Variants in DTNB observed in about 807,000 individuals in gnomAD.
DTNB encodes DTN-B.
In DTNB, 63 loss-of-function variants were observed where a neutral mutation model predicts 90.7. The observed-to-expected ratio is 0.69, with a 90% CI of 0.57 to 0.86. The LOEUF (loss-of-function observed/expected upper bound fraction) is 0.86, where lower values mean the gene tolerates loss of function less well. Among genes scored for constraint, DTNB ranks in the 40% least tolerant of loss-of-function variants. DTNB has a pLI of 0.00. For synonymous variants in DTNB, 277 were observed against 286.7 expected, an observed-to-expected ratio of 0.97 and a Z score of 0.34; for missense variants, 744 against 807.1, an observed-to-expected ratio of 0.92 and a Z score of 0.95.
intron 8 of DTNB, among the ~76,000 whole-genome samples, chr2:25,546,942 C>T (rs906435256): frequency 3.3e-5 from 5 of 151,814 alleles, no homozygotes; most frequent in Admixed American, 2.0e-4. Flanking sequence ...GATCTCTTGG[C>T]CTCAAGTAAT....
At chr2:25,666,596 A>G (rs1370051127) in intron 1 of DTNB, among the ~76,000 whole-genome samples, 1 of 152,238 alleles carries the variant, frequency 6.6e-6, no homozygotes, top group Non-Finnish European at 1.5e-5. Flanking sequence ...CAGTAAGTAC[A>G]TTCTTTGATG....
At chr2:25,463,397 G>A (rs563589660) in intron 10 of DTNB, among the ~76,000 whole-genome samples, 21 of 152,206 alleles carry the variant, frequency 1.4e-4, no homozygotes, top group African/African-American at 4.6e-4. Flanking sequence ...AGGAGTTCTC[G>A]CTTACACTGC....
intron 6 of DTNB, among the ~76,000 whole-genome samples, chr2:25,591,284 G>T (rs1479120772): frequency 6.6e-6 from 1 of 152,196 alleles, no homozygotes; most frequent in African/African-American, 2.4e-5. Context: ...GCCCAGGGAA[G>T]GCGAAGCTCC....
chr2:25,480,287 C>T (rs912923014), intron 10 of DTNB, among the ~76,000 whole-genome samples: 18 of 152,210 alleles, frequency 1.2e-4, no homozygotes, highest in African/African-American at 4.3e-4. Context: ...TGCCCTCTGG[C>T]TGCCTTTGGT....
intron 6 of DTNB, among the ~76,000 whole-genome samples, chr2:25,592,060 CAAAA>C (rs1162292627): frequency 2.0e-4 from 10 of 48,980 alleles, no homozygotes; most frequent in African/African-American, 5.8e-4. Flanking sequence ...GACTCCATCT[CAAAA>C]AAAAAAAAAA....
chr2:25,520,185 C>T (rs977625865), intron 9 of DTNB, among the ~76,000 whole-genome samples: 3 of 152,114 alleles, frequency 2.0e-5, no homozygotes, highest in Admixed American at 6.5e-5. Context: ...AGTTTGAGAC[C>T]AGCCCGGACA....
intron 12 of DTNB, among the ~76,000 whole-genome samples, chr2:25,445,927 T>G (rs916119607): frequency 6.6e-6 from 1 of 151,450 alleles, no homozygotes; most frequent in African/African-American, 2.4e-5. Flanking sequence ...GTAGTTTTTT[T>G]TTTTTTTTTT....
At chr2:25,519,674 C>T (rs2075801337) in intron 9 of DTNB, among the ~76,000 whole-genome samples, 1 of 152,142 alleles carries the variant, frequency 6.6e-6, no homozygotes, top group Non-Finnish European at 1.5e-5. Flanking sequence ...GTCACGTCGG[C>T]ACTCAAAAAG....
Position 25,387,167 on chromosome 2 carries a change from A to T in DTNB, c.1825+122T>A. 1 of 834,280 alleles carries T rather than the reference A, an allele frequency of 1.2e-6. No individual in the cohort carries two copies. The highest frequency in any genetic ancestry group is 1.9e-6 in the Non-Finnish European group (1 of 533,010). 51.7% of individuals were successfully genotyped at this position (834,280 alleles called of 1,614,324 possible). A position where few individuals can be genotyped will look rare whatever the true frequency, so the allele number is the denominator to read the frequency against. Reference sequence around the variant, plus strand: ...CAGTGTGTTCCTAGAAGGCAAAGTTAGGTGATGAAATGGGGTGGTGCAAGC... The same window carrying T: ...CAGTGTGTTCCTAGAAGGCAAAGTTTGGTGATGAAATGGGGTGGTGCAAGC... On this transcript the variant is annotated intron_variant, in intron 18 of 20. Coordinates refer to ENST00000406818, the MANE Select transcript of DTNB (RefSeq NM_021907.5). This position sits in a 1 kb window ranked among gnomAD's most constrained non-coding sequence, Gnocchi z 4.5.
At chr2:25,449,159 C>T (rs116126521) in intron 12 of DTNB, among the ~76,000 whole-genome samples, 827 of 152,236 alleles carry the variant, frequency 5.4e-3, no homozygotes, top group Non-Finnish European at 8.3e-3. Context: ...TCACCAATGT[C>T]GTTGCATGTA....
intron 8 of DTNB, 33 bp from the exon 9 acceptor site, chr2:25,531,630 C>G (rs762272289): frequency 1.3e-6 from 2 of 1,591,266 alleles, no homozygotes; most frequent in Admixed American, 3.8e-5. Context: ...AAGGAATTAA[C>G]CCTTCAAAAG....
intron 12 of DTNB, among the ~76,000 whole-genome samples, chr2:25,446,192 T>C (rs1287167168): frequency 6.6e-6 from 1 of 152,112 alleles, no homozygotes; most frequent in Non-Finnish European, 1.5e-5. Context: ...TAAGGAAAAT[T>C]CTTAAGGTTT....
At chr2:25,410,934 C>CTTTT (rs34571788) in intron 16 of DTNB, among the ~76,000 whole-genome samples, 1 of 132,492 alleles carries the variant, frequency 7.5e-6, no homozygotes, top group Non-Finnish European at 1.6e-5. Context: ...ACTGCCTTTT[C>CTTTT]TTTTTTTTTT....
At chr2:25,569,194 G>A (rs750835169) in intron 8 of DTNB, among the ~76,000 whole-genome samples, 1 of 152,118 alleles carries the variant, frequency 6.6e-6, no homozygotes, top group Non-Finnish European at 1.5e-5. Context: ...AGATGGCATG[G>A]AGCAGAAAAA....
At chr2:25,607,034 AC>A (rs1466981711) in intron 5 of DTNB, among the ~76,000 whole-genome samples, 10 of 152,196 alleles carry the variant, frequency 6.6e-5, no homozygotes, top group African/African-American at 2.4e-4. Context: ...ACTAAAAAGG[AC>A]TAACAATAAA....
chr2:25,646,866 C>T (rs1033083572), intron 2 of DTNB, among the ~76,000 whole-genome samples: 1 of 152,134 alleles, frequency 6.6e-6, no homozygotes, highest in Non-Finnish European at 1.5e-5. Flanking sequence ...TATTTAGCTT[C>T]GAATAAATCT....
chr2:25,438,255 G>C (rs1189505224), intron 12 of DTNB, among the ~76,000 whole-genome samples: 1 of 151,960 alleles, frequency 6.6e-6, no homozygotes, highest in African/African-American at 2.4e-5. Flanking sequence ...ACTGTGTCTT[G>C]GGCCACACAC....
intron 8 of DTNB, among the ~76,000 whole-genome samples, chr2:25,539,776 TAAGA>T (rs1575539880): frequency 2.6e-5 from 4 of 152,100 alleles, no homozygotes; most frequent in African/African-American, 7.2e-5. Context: ...TTTTGTACCT[TAAGA>T]AATATTTCCC....
intron 10 of DTNB, among the ~76,000 whole-genome samples, chr2:25,465,195 T>A (rs1287734345): frequency 6.6e-6 from 1 of 151,912 alleles, no homozygotes; most frequent in Non-Finnish European, 1.5e-5. Context: ...GCTAACACAG[T>A]GAAACCCTGT....
Sources: gnomAD v4.1 joint callset for allele counts (sites outside exome capture counted in the v4.1 genomes callset) on GRCh38, gnomAD v4.1.1 for gene constraint, Gnocchi (gnomAD v3.1) non-coding constraint, MANE v1.5 for transcripts, NCBI Gene and HGNC (gene_info 2026-07-23, HGNC 2026-07-21) for gene names.